The following IP6K1 variants were observed in gnomAD, a reference collection of about 807,000 sequenced individuals.
IP6K1 encodes the protein ATP:1D-myo-inositol-hexakisphosphate phosphotransferase.
Under a neutral mutation model 38.3 loss-of-function variants are expected in IP6K1, and 13 were observed. The ratio of observed to expected loss-of-function variants is 0.34; its 90% CI spans 0.22 to 0.54. The LOEUF is 0.54. IP6K1 is among the 20% of genes least tolerant of loss of function. The pLI is 0.92. For synonymous variants in IP6K1, 212 were observed against 229.9 expected, an observed-to-expected ratio of 0.92 and a Z score of 0.70; for missense variants, 397 against 599.8, an observed-to-expected ratio of 0.66 and a Z score of 3.53.
rs146762277 is a variant in IP6K1, at chr3:49,735,439, A to G, written c.435-2467T>C. On this transcript the variant is annotated intron_variant, in intron 3 of 5. Coordinates refer to ENST00000321599, the MANE Select transcript of IP6K1 (RefSeq NM_153273.4). ...TCAATTGTCAGCTACAGACTTGGGGAACATTCTTTGTCACCTGAACGACCA... is the reference window on the plus strand; with the variant it reads ...TCAATTGTCAGCTACAGACTTGGGGGACATTCTTTGTCACCTGAACGACCA... 8.2e-3 allele frequency among the ~76,000 whole-genome samples: 1,245 copies of G among 152,262 alleles called. 6 individuals carry two copies. Among genetic ancestry groups the G allele is most frequent in the Middle Eastern group, 0.028 (8 of 290 alleles).
intron 2 of IP6K1, among the ~76,000 whole-genome samples, chr3:49,747,492 T>G (rs1395549550): frequency 6.6e-6 from 1 of 152,110 alleles, no homozygotes; most frequent in Non-Finnish European, 1.5e-5. Flanking sequence ...CCATTCCGCC[T>G]CCGGGACGAG....
At chr3:49,785,774 T>C (rs903426039) in intron 1 of IP6K1, 6 of 152,328 alleles carry the variant, frequency 3.9e-5, no homozygotes, top group African/African-American at 9.6e-5. Flanking sequence ...TTATGGACAT[T>C]TAACCAGGTT....
At chr3:49,777,242 C>T (rs547604063) in intron 1 of IP6K1, among the ~76,000 whole-genome samples, 1 of 151,982 alleles carries the variant, frequency 6.6e-6, no homozygotes, top group African/African-American at 2.4e-5. Flanking sequence ...TCTCCAAAAA[C>T]AGAAATCTTT....
At chr3:49,741,857 G>A (rs1447565532) in intron 2 of IP6K1, among the ~76,000 whole-genome samples, 1 of 152,180 alleles carries the variant, frequency 6.6e-6, no homozygotes, top group African/African-American at 2.4e-5. Context: ...TCAGAACTGG[G>A]ACAAGACAAT....
At chr3:49,755,189 G>A (rs1297624551) in intron 1 of IP6K1, among the ~76,000 whole-genome samples, 4 of 146,000 alleles carry the variant, frequency 2.7e-5, no homozygotes, top group South Asian at 2.1e-4. Flanking sequence ...CACTTGTCTC[G>A]GCCTCCCAAA....
intron 1 of IP6K1, among the ~76,000 whole-genome samples, chr3:49,756,838 A>AAAAAAAAAAAAAAAAAAG (rs1559710132): frequency 2.5e-5 from 3 of 119,186 alleles, no homozygotes; most frequent in African/African-American, 3.7e-5. Flanking sequence ...AAAAAAAAAA[A>AAAAAAAAAAAAAAAAAAG]AAAGAAAAAA....
chr3:49,782,621 G>A (rs930620320), intron 1 of IP6K1, among the ~76,000 whole-genome samples: 5 of 152,040 alleles, frequency 3.3e-5, no homozygotes, highest in Admixed American at 6.6e-5. Context: ...GAGCAACATA[G>A]TGAGACCCCC....
chr3:49,752,426 T>C (rs2080786180), intron 1 of IP6K1, among the ~76,000 whole-genome samples: 1 of 151,410 alleles, frequency 6.6e-6, no homozygotes, highest in Non-Finnish European at 1.5e-5. Context: ...GAGGCAGAGC[T>C]TGCAGTGAGC....
At chr3:49,744,175 G>C (rs1427681473) in intron 2 of IP6K1, among the ~76,000 whole-genome samples, 1 of 151,552 alleles carries the variant, frequency 6.6e-6, no homozygotes, top group African/African-American at 2.4e-5. Flanking sequence ...GGCCGAGGCA[G>C]GTGGATCACA....
chr3:49,747,598 T>G (rs1415402790), intron 2 of IP6K1, among the ~76,000 whole-genome samples: 11 of 152,244 alleles, frequency 7.2e-5, no homozygotes, highest in Admixed American at 7.2e-4. Context: ...AACTTAATGC[T>G]ATGACTTTTT....
chr3:49,758,075 C>T (rs1311426723), intron 1 of IP6K1, among the ~76,000 whole-genome samples: 3 of 151,668 alleles, frequency 2.0e-5, no homozygotes, highest in Non-Finnish European at 4.4e-5. Context: ...TTTGGGAGGC[C>T]GAGGCAGGTG....
chr3:49,761,075 GGAGGCCGAGGCGAATGGATCAC>G (rs1364465601), intron 1 of IP6K1, among the ~76,000 whole-genome samples: 14 of 152,100 alleles, frequency 9.2e-5, no homozygotes, highest in Non-Finnish European at 2.1e-4. Flanking sequence ...CAGCACTTTG[GGAGGCCGAGGCGAATGGATCAC>G]GAGGTCAAGA....
At chr3:49,761,543 G>A (rs2080868306) in intron 1 of IP6K1, among the ~76,000 whole-genome samples, 2 of 151,354 alleles carry the variant, frequency 1.3e-5, no homozygotes, top group South Asian at 4.2e-4. Context: ...GAACCCGGGA[G>A]GCGGAGCTTG....
Position 49,727,127 on chromosome 3 carries a change from G to C in IP6K1, c.1321C>G (p.Gln441Glu). ...CTGGGGGCCCAGAACAGGGCCTACTGGTTCTCGTCCCGCATCTGTTCCATG... is the reference window on the plus strand; with the variant it reads ...CTGGGGGCCCAGAACAGGGCCTACTCGTTCTCGTCCCGCATCTGTTCCATG... ...SIMEQMRDENQ is the reference protein window; with the variant it reads ...SIMEQMRDENE Residue 441 changes from glutamine (Q) to glutamate (E), a missense_variant, in exon 6 of 6, where the codon CAG (glutamine) becomes GAG (glutamate). Physicochemically the swap from Gln to Glu is conservative, Grantham distance 29 (BLOSUM62 2). Coordinates refer to ENST00000321599, the MANE Select transcript of IP6K1 (RefSeq NM_153273.4). This position sits in a 1 kb window ranked among gnomAD's most constrained non-coding sequence, Gnocchi z 5.9. 6.2e-7 allele frequency: 1 copy of C among 1,600,092 alleles called. No individual in the cohort carries two copies. Among genetic ancestry groups the C allele is most frequent in the Non-Finnish European group, 8.5e-7 (1 of 1,171,004 alleles).
At chr3:49,754,441 T>C (rs2108243465) in intron 1 of IP6K1, among the ~76,000 whole-genome samples, 1 of 152,066 alleles carries the variant, frequency 6.6e-6, no homozygotes, top group South Asian at 2.1e-4. Flanking sequence ...CCTAACACTT[T>C]GGAAGGCCAA....
At chr3:49,766,744 G>A (rs1322386245) in intron 1 of IP6K1, among the ~76,000 whole-genome samples, 1 of 151,046 alleles carries the variant, frequency 6.6e-6, no homozygotes, top group Non-Finnish European at 1.5e-5. Context: ...GAGGCGAGCA[G>A]ATCACTAGGT....
Position 49,749,481 on chromosome 3 carries a change from C to T in IP6K1, c.-128-1313G>A, listed in dbSNP as rs1431831292. 3.3e-5 allele frequency among the ~76,000 whole-genome samples: 5 copies of T among 152,052 alleles called. No homozygotes were observed. The Middle Eastern group carries it at 0.01, about 310-fold the overall frequency. ...CAAGAATACATCAGAAAGATTAAGA[C>T]CAAAAAAGAAAAAGTATTAGTAGAG... On this transcript the variant is annotated intron_variant, in intron 1 of 5. Coordinates refer to ENST00000321599, the MANE Select transcript of IP6K1 (RefSeq NM_153273.4).
chr3:49,764,990 AGAAT>A (rs2080899143), intron 1 of IP6K1, among the ~76,000 whole-genome samples: 1 of 152,196 alleles, frequency 6.6e-6, no homozygotes, highest in Non-Finnish European at 1.5e-5. Flanking sequence ...CCAAAAGACA[AGAAT>A]GAATATTTAA....
intron 1 of IP6K1, among the ~76,000 whole-genome samples, chr3:49,777,483 A>T (rs1387381238): frequency 6.6e-6 from 1 of 151,618 alleles, no homozygotes; most frequent in African/African-American, 2.4e-5. Flanking sequence ...GAATCACTTG[A>T]ACCTGGGAGG....
Sources: gnomAD v4.1 joint callset for allele counts (sites outside exome capture counted in the v4.1 genomes callset) on GRCh38, gnomAD v4.1.1 for gene constraint, Gnocchi (gnomAD v3.1) non-coding constraint, MANE v1.5 for transcripts, NCBI Gene and HGNC (gene_info 2026-07-23, HGNC 2026-07-21) for gene names.